Variants in ASB14 observed in about 807,000 individuals in gnomAD.
ASB14 encodes the protein ankyrin repeat and SOCS box containing 14, also known as ankyrin repeat and SOCS box protein 14.
A neutral mutation model predicts 55.6 loss-of-function variants in ASB14; 63 were observed. The observed-to-expected ratio is 1.13, with a 90% CI of 0.92 to 1.40. The LOEUF is 1.40. Ranked by LOEUF, ASB14 falls within the 40% of genes most tolerant of loss-of-function variation. The pLI is 0.00. For synonymous variants in ASB14, 256 were observed against 259.9 expected (o/e 0.98, Z 0.15); for missense variants, 724 against 710.4 (o/e 1.02, Z -0.22).
At position 57,288,860 on chromosome 3, in the gene ASB14, G is replaced by A. The variant is rs1265625361; in HGVS notation, c.178+208C>T. 11 of 391,736 alleles carry A rather than the reference G, an allele frequency of 2.8e-5. No individual in the cohort carries two copies. In the East Asian group the frequency reaches 3.1e-4, roughly 11 times the overall value. The allele number at this position is 391,736 out of a possible 1,614,324, so 24.3% of individuals were successfully genotyped here. On this transcript the variant is annotated intron_variant, in intron 3 of 10. Coordinates refer to ENST00000487349, the MANE Select transcript of ASB14 (RefSeq NM_001142733.3). Reference sequence around the variant, plus strand: ...CTCCCGAGTAGCTGGGATTACAGGCGCCCGCCACCATGCCCGGCTAATTTT... The same window carrying A: ...CTCCCGAGTAGCTGGGATTACAGGCACCCGCCACCATGCCCGGCTAATTTT...
chr3:57,279,004 A>G, intron 7 of ASB14, 84 bp from the exon 8 acceptor site: 2 of 1,285,210 alleles, frequency 1.6e-6, no homozygotes, highest in Non-Finnish European at 2.2e-6. Flanking sequence ...TAGCAATACT[A>G]GATAGTATCA....
At chr3:57,274,861 C>T (rs907142578) in intron 10 of ASB14, among the ~76,000 whole-genome samples, 3 of 152,114 alleles carry the variant, frequency 2.0e-5, no homozygotes, top group African/African-American at 2.4e-5. Context: ...TCACATTAAC[C>T]GGTAAATGGT....
At chr3:57,290,498 C>G (rs2061120375) in intron 2 of ASB14, among the ~76,000 whole-genome samples, 2 of 152,208 alleles carry the variant, frequency 1.3e-5, no homozygotes, top group Non-Finnish European at 2.9e-5. Context: ...ATAATTCCAT[C>G]TGTAGCCTTA....
At position 57,283,474 on chromosome 3, in the gene ASB14, G is replaced by C. The variant is rs1467502320; in HGVS notation, c.470-35C>G. 4.5e-6 allele frequency: 7 copies of C among 1,539,418 alleles called. No individual in the cohort carries two copies. In the South Asian group the frequency reaches 7.2e-5, roughly 16 times the overall value. ...GAGAAGTGTGGTGGGCATGTTCAAC[G>C]GGAAGTTAAGCCCAAAGTAGCATAT... On this transcript the variant is annotated intron_variant, in intron 5 of 10. Transcript: ENST00000487349.
intron 3 of ASB14, 59 bp from the exon 4 acceptor site, chr3:57,288,345 ATTGC>A: frequency 6.7e-7 from 1 of 1,494,590 alleles, no homozygotes; most frequent in Non-Finnish European, 9.0e-7. Flanking sequence ...GGAAGCCCAT[ATTGC>A]TTCCTGAATT....
chr3:57,274,317 T>C (rs1282521241), intron 10 of ASB14, among the ~76,000 whole-genome samples: 2 of 152,208 alleles, frequency 1.3e-5, no homozygotes, highest in Non-Finnish European at 2.9e-5. Flanking sequence ...TGATATGGCT[T>C]CTAAATGTGA....
In ASB14 at chr3:57,279,275, T is replaced by C. The variant is rs866130042; in HGVS notation, c.888-355A>G. Reference sequence around the variant, plus strand: ...GGTCAAGAGTTTTTCTTTTTTTTTTTTTTTTTTTTTTTTTTTTGAGACGGA... The same window carrying C: ...GGTCAAGAGTTTTTCTTTTTTTTTTCTTTTTTTTTTTTTTTTTGAGACGGA... On this transcript the variant is annotated intron_variant, in intron 7 of 10. Coordinates refer to ENST00000487349, the MANE Select transcript of ASB14 (RefSeq NM_001142733.3). Among the ~76,000 whole-genome samples, 53 of 138,532 alleles carry C rather than the reference T, an allele frequency of 3.8e-4. No homozygotes were observed. The East Asian group carries it at 5.7e-3, about 15-fold the overall frequency. The allele number at this position is 138,532 out of a possible 152,430, so 90.9% of individuals were successfully genotyped here. A position where few individuals can be genotyped will look rare whatever the true frequency, so the allele number is the denominator to read the frequency against.
rs969591015 is a variant in ASB14, at chr3:57,268,692, ATGAC to A, written c.*945_*948del. The A allele has an allele frequency of 2.1e-5, 8 of 375,104 alleles. No homozygotes were observed. Among genetic ancestry groups the A allele is most frequent in the African/African-American group, 1.7e-4 (8 of 48,246 alleles). The allele number at this position is 375,104 out of a possible 1,614,324, so 23.2% of individuals were successfully genotyped here. ...CATTATAGTTACGTTGACATGTAAT[ATGAC>A]TGTTTCAAAAATATACCAGAACTTT... On this transcript the variant is annotated 3_prime_UTR_variant, in exon 11 of 11. Coordinates refer to ENST00000487349, the MANE Select transcript of ASB14 (RefSeq NM_001142733.3).
Position 57,278,700 on chromosome 3 carries a change from A to G in ASB14, c.1108T>C (p.Ser370Pro), listed in dbSNP as rs753851965. Residue 370 changes from serine (S) to proline (P), a missense_variant, in exon 8 of 11, where the codon TCT becomes CCT. Ser to Pro is a moderately conservative substitution (Grantham distance 74). Transcript: ENST00000487349. ...GCACTCAGAAGCAGCTTGACTGAAG[A>G]GAGGTCACTGTTTGATACAGCAAAA... The part of the protein sequence containing the change: ...LYFAVSNSDL[S>P]SVKLLLSAGA... 6.2e-7 allele frequency: 1 copy of G among 1,614,152 alleles called. No individual in the cohort carries two copies. The highest frequency in any genetic ancestry group is 8.5e-7 in the Non-Finnish European group (1 of 1,180,026).
intron 5 of ASB14, 46 bp from the exon 6 acceptor site, chr3:57,283,485 C>A (rs746763129): frequency 9.2e-6 from 14 of 1,516,040 alleles, no homozygotes; most frequent in Middle Eastern, 2.1e-4. Flanking sequence ...GGAAGTTAAG[C>A]CCAAAGTAGC....
Position 57,288,216 on chromosome 3 carries a change from C to A in ASB14, c.249G>T (p.Trp83Cys), listed in dbSNP as rs1456853647. ...GCACTGCAGCCTTATGCAGAGGAAT[C>A]CAGCCTATCTCATCTGCTTCACCAA... ...SAFGEADEIG[W>C]IPLHKAAVQL... Residue 83 changes from tryptophan to cysteine, a missense_variant, in exon 4 of 11, where the codon TGG becomes TGT. Transcript: ENST00000487349. 8 of 1,536,654 alleles carry A rather than the reference C, an allele frequency of 5.2e-6. No homozygotes were observed. In the South Asian group the frequency reaches 7.1e-5, roughly 14 times the overall value.
intron 5 of ASB14, among the ~76,000 whole-genome samples, chr3:57,283,786 A>AG (rs2061057115): frequency 6.6e-6 from 1 of 152,088 alleles, no homozygotes; most frequent in African/African-American, 2.4e-5. Flanking sequence ...CTTTAAAATA[A>AG]GAAAAAAAAC....
At chr3:57,291,380 C>T (rs111298810) in intron 2 of ASB14, among the ~76,000 whole-genome samples, 1,794 of 152,318 alleles carry the variant, frequency 0.012, 25 homozygotes, top group African/African-American at 0.041. Context: ...ATATCCAGGA[C>T]GATTCTTCTT....
rs140539832 is a variant in ASB14 at position 57,276,724 on chromosome 3, G to T, written c.1590C>A (p.Asn530Lys). Residue 530 changes from asparagine to lysine, a missense_variant, in exon 10 of 11, where the codon AAC becomes AAA. Transcript: ENST00000487349. ...IWSEIHFILTNPRSLKHLCRL... is the reference protein window; with the variant it reads ...IWSEIHFILTKPRSLKHLCRL... ...GGCACAAATGTTTTAGGGAGCGAGGGTTTGCTAAAAAGAAAAGGCACATTA... is the reference window on the plus strand; with the variant it reads ...GGCACAAATGTTTTAGGGAGCGAGGTTTTGCTAAAAAGAAAAGGCACATTA... 6 of 1,605,822 alleles carry T rather than the reference G, an allele frequency of 3.7e-6. No homozygotes were observed. Among genetic ancestry groups the T allele is most frequent in the Non-Finnish European group, 4.2e-6 (5 of 1,177,312 alleles).
intron 10 of ASB14, chr3:57,270,522 A>C (rs9830276): frequency 6.6e-6 from 1 of 152,624 alleles, no homozygotes; most frequent in Non-Finnish European, 1.5e-5. Context: ...GGAATGATAC[A>C]TTGTATTTTC....
At position 57,269,088 on chromosome 3, in the gene ASB14, A is replaced by T. The variant is rs2060916355; in HGVS notation, c.*553T>A. The stretch of plus-strand genomic sequence containing the variant: ...TGGGCTGGCTCTCTGGACAAAGAAG[A>T]GGGAAGTGGCAAAGATGACATTGAA... On this transcript the variant is annotated 3_prime_UTR_variant, in exon 11 of 11. Transcript: ENST00000487349. The T allele has an allele frequency of 6.3e-6, 1 of 157,820 alleles. No individual in the cohort carries two copies. Among genetic ancestry groups the T allele is most frequent in the African/African-American group, 2.4e-5 (1 of 41,482 alleles). The allele number at this position is 157,820 out of a possible 1,614,324, so 9.8% of individuals were successfully genotyped here. A position where few individuals can be genotyped will look rare whatever the true frequency, so the allele number is the denominator to read the frequency against.
intron 10 of ASB14, chr3:57,271,439 G>GTT (rs1437115485): frequency 6.6e-6 from 1 of 152,570 alleles, no homozygotes; most frequent in African/African-American, 2.4e-5. Context: ...TAGTGTATCA[G>GTT]TTCTTTTGTT....
At chr3:57,271,119 C>T (rs996151737) in intron 10 of ASB14, 3 of 152,054 alleles carry the variant, frequency 2.0e-5, no homozygotes, top group African/African-American at 7.3e-5. Context: ...AATAATTTTA[C>T]AAGGGAAAAA....
chr3:57,278,713 T>G lies in ASB14; in HGVS notation c.1095A>C (p.Ser365=), dbSNP rs2061011717. The change falls in exon 8 of 11, where the codon TCA becomes TCC. Residue 365 remains serine (S), a synonymous_variant. Coordinates refer to ENST00000487349, the MANE Select transcript of ASB14 (RefSeq NM_001142733.3). ...HRKSALYFAV[S]NSDLSSVKLL... The stretch of plus-strand genomic sequence containing the variant: ...GCTTGACTGAAGAGAGGTCACTGTT[T>G]GATACAGCAAAATACAAAGCTGACT... 1 of 1,614,072 alleles carries G rather than the reference T, an allele frequency of 6.2e-7. No individual in the cohort carries two copies. Among genetic ancestry groups the G allele is most frequent in the Non-Finnish European group, 8.5e-7 (1 of 1,180,006 alleles).
Sources: gnomAD v4.1 joint callset for allele counts (sites outside exome capture counted in the v4.1 genomes callset) on GRCh38, gnomAD v4.1.1 for gene constraint, MANE v1.5 for transcripts, NCBI Gene and HGNC (gene_info 2026-07-23, HGNC 2026-07-21) for gene names.